Variants in ADGB observed in about 807,000 individuals in gnomAD.
The protein encoded by ADGB is androglobin.
ADGB carries 172 observed loss-of-function variants against 210.5 expected under a neutral mutation model. The observed-to-expected ratio is 0.82, with a 90% confidence interval of 0.72 to 0.93. ADGB has a LOEUF of 0.93. ADGB is among the 40% of genes least tolerant of loss of function. The probability of loss-of-function intolerance (pLI) is 0.00; values close to 1 mark genes in which losing one functional copy is unlikely to be tolerated. For synonymous variants in ADGB, 658 were observed against 662.7 expected (o/e 0.99, Z 0.11); for missense variants, 2,025 against 1,964.8 (o/e 1.03, Z -0.58).
intron 2 of ADGB, among the ~76,000 whole-genome samples, chr6:146,637,018 G>A (rs544241236): frequency 1.3e-5 from 2 of 151,922 alleles, no homozygotes; most frequent in South Asian, 2.1e-4. Context: ...TGTGACGGGT[G>A]AATCAAATTG....
chr6:146,738,438 C>CTTTTTTTTTTTT (rs71031008), intron 23 of ADGB, among the ~76,000 whole-genome samples: 10 of 71,332 alleles, frequency 1.4e-4, no homozygotes, highest in African/African-American at 4.4e-4. Flanking sequence ...CCCATTTCAT[C>CTTTTTTTTTTTT]TTTTTTTTTT....
intron 13 of ADGB, among the ~76,000 whole-genome samples, chr6:146,701,315 A>C (rs1037706079): frequency 7.9e-5 from 12 of 152,086 alleles, no homozygotes; most frequent in African/African-American, 2.9e-4. Context: ...TTTTGGTATT[A>C]AACAACTTCA....
At chr6:146,640,334 A>G (rs955884331) in intron 2 of ADGB, among the ~76,000 whole-genome samples, 14 of 152,038 alleles carry the variant, frequency 9.2e-5, no homozygotes, top group African/African-American at 3.4e-4. Context: ...CCAGATGTAG[A>G]AAGACGAGCT....
chr6:146,775,387 G>C (rs549503401), intron 29 of ADGB, among the ~76,000 whole-genome samples: 8 of 152,120 alleles, frequency 5.3e-5, no homozygotes, highest in Non-Finnish European at 8.8e-5. Flanking sequence ...GTTAACATGA[G>C]GCAACAGTGC....
intron 23 of ADGB, among the ~76,000 whole-genome samples, chr6:146,737,500 T>C (rs1777097094): frequency 6.6e-6 from 1 of 152,150 alleles, no homozygotes; most frequent in Non-Finnish European, 1.5e-5. Flanking sequence ...GTGAGAACTT[T>C]CCAAAACTGA....
intron 25 of ADGB, among the ~76,000 whole-genome samples, chr6:146,744,423 T>G (rs1777199730): frequency 6.6e-6 from 1 of 152,200 alleles, no homozygotes; most frequent in South Asian, 2.1e-4. Context: ...TATGCAACTT[T>G]TACCTGATGT....
chr6:146,730,102 TATACTACTGTCCTAGTATACTTCTAAA>T (rs1348517047), intron 20 of ADGB, among the ~76,000 whole-genome samples: 25 of 152,202 alleles, frequency 1.6e-4, no homozygotes, highest in African/African-American at 5.8e-4. Context: ...AGGACAGAAG[TATACTACTGTCCTAGTATACTTCTAAA>T]ATTACTTACA....
At chr6:146,796,264 T>C (rs575358478) in intron 33 of ADGB, among the ~76,000 whole-genome samples, 1 of 152,294 alleles carries the variant, frequency 6.6e-6, no homozygotes, top group South Asian at 2.1e-4. Context: ...AAAATGACCA[T>C]ACTGCCAAAA....
chr6:146,646,596 A>C (rs1775616392), intron 3 of ADGB, among the ~76,000 whole-genome samples: 1 of 152,132 alleles, frequency 6.6e-6, no homozygotes, highest in Non-Finnish European at 1.5e-5. Flanking sequence ...CCTGAAAAGA[A>C]ACCTTTCAGT....
intron 26 of ADGB, 109 bp downstream of exon 26, chr6:146,746,218 C>A (rs1777234378): frequency 2.4e-6 from 2 of 819,656 alleles, no homozygotes; most frequent in Middle Eastern, 3.8e-4. Flanking sequence ...ATTTCAAATT[C>A]CATATTCTTT....
intron 16 of ADGB, among the ~76,000 whole-genome samples, chr6:146,718,955 G>A (rs908853587): frequency 6.6e-6 from 1 of 152,162 alleles, no homozygotes; most frequent in African/African-American, 2.4e-5. Flanking sequence ...ACAATTAATT[G>A]GGAATAGTTT....
chr6:146,673,976 T>G (rs1393303062), intron 8 of ADGB, among the ~76,000 whole-genome samples: 3 of 152,074 alleles, frequency 2.0e-5, no homozygotes, highest in Non-Finnish European at 4.4e-5. Context: ...TGGTACAAAA[T>G]GACGAGCTGC....
At chr6:146,761,194 T>C (rs1402994742) in intron 27 of ADGB, among the ~76,000 whole-genome samples, 1 of 152,026 alleles carries the variant, frequency 6.6e-6, no homozygotes, top group Non-Finnish European at 1.5e-5. Flanking sequence ...TTCTTTCATG[T>C]TTTATTCTAA....
chr6:146,809,051 G>A lies in ADGB; in HGVS notation c.4819-5981G>A, dbSNP rs145010181. Among the ~76,000 whole-genome samples, 97 of 77,134 alleles carry A rather than the reference G, an allele frequency of 1.3e-3. 1 individual carries two copies. In the East Asian group the frequency reaches 0.043, roughly 35 times the overall value. 50.6% of individuals were successfully genotyped at this position (77,134 alleles called of 152,430 possible). A position where few individuals can be genotyped will look rare whatever the true frequency, so the allele number is the denominator to read the frequency against. ...GAATGTGGAGGTCAAAAGGGCAGGC[G>A]CATATCTACAGCTGTGACGGTTTAG... On this transcript the variant is annotated intron_variant, in intron 35 of 35. Coordinates refer to ENST00000397944, the MANE Select transcript of ADGB (RefSeq NM_024694.4).
intron 23 of ADGB, 71 bp downstream of exon 23, chr6:146,736,662 A>G: frequency 5.8e-6 from 6 of 1,029,350 alleles, no homozygotes; most frequent in Non-Finnish European, 8.4e-6. Flanking sequence ...GAATACTACC[A>G]TATTTGTTGA....
intron 35 of ADGB, chr6:146,803,386 C>A: frequency 6.2e-7 from 1 of 1,608,214 alleles, no homozygotes; most frequent in Non-Finnish European, 8.5e-7. Context: ...GTCTGGTGGC[C>A]TGCACAAGCC....
chr6:146,608,793 T>C (rs1780664938), intron 1 of ADGB, among the ~76,000 whole-genome samples: 1 of 152,202 alleles, frequency 6.6e-6, no homozygotes, highest in Admixed American at 6.5e-5. Flanking sequence ...GTCAAAGACA[T>C]GGTTGATTTT....
intron 35 of ADGB, among the ~76,000 whole-genome samples, chr6:146,806,156 G>A (rs985641243): frequency 1.3e-5 from 2 of 152,314 alleles, no homozygotes; most frequent in South Asian, 2.1e-4. Context: ...GTTTTTGTGT[G>A]TAATAACCAA....
chr6:146,702,512 C>T (rs1434265121), intron 13 of ADGB, among the ~76,000 whole-genome samples: 2 of 151,716 alleles, frequency 1.3e-5, no homozygotes, highest in Non-Finnish European at 3.0e-5. Context: ...ATTTATGTAC[C>T]TCTCTATCCC....
Sources: allele counts gnomAD v4.1 joint callset (sites outside exome capture counted in the v4.1 genomes callset), GRCh38; gene constraint gnomAD v4.1.1; transcripts MANE v1.5; gene names NCBI Gene and HGNC (gene_info 2026-07-23, HGNC 2026-07-21).